The following TNPO1 variants were observed in gnomAD, a reference collection of about 807,000 sequenced individuals.
The protein encoded by TNPO1 is transportin 1.
In TNPO1, 8 loss-of-function variants were observed where a neutral mutation model predicts 119.5. The ratio of observed to expected loss-of-function variants is 0.07; its 90% CI spans 0.04 to 0.12. The LOEUF is 0.12. Ranked by LOEUF, TNPO1 falls within the 10% of genes least tolerant of loss-of-function variation. The pLI is 1.00. For synonymous variants in TNPO1, 362 were observed against 363.0 expected, an observed-to-expected ratio of 1.00 and a Z score of 0.03; for missense variants, 576 against 1,089.8, an observed-to-expected ratio of 0.53 and a Z score of 6.64.
chr5:72,877,337 A>G lies in TNPO1; in HGVS notation c.911A>G (p.His304Arg). 6.3e-7 allele frequency: 1 copy of G among 1,588,150 alleles called. No homozygotes were observed. The highest frequency in any genetic ancestry group is 8.6e-7 in the Non-Finnish European group (1 of 1,159,006). ...ATATGCAAAGATGTACTCGTAAGGC[A>G]TCTTCCTAAGTAAGTGTTCCCTCTT... ...QPICKDVLVRHLPKLIPVLVN... is the reference protein window; with the variant it reads ...QPICKDVLVRRLPKLIPVLVN... Residue 304 changes from histidine (H) to arginine (R), a missense_variant, in exon 9 of 25, where the codon CAT becomes CGT. By Grantham distance (29) the His-to-Arg change is conservative. Coordinates refer to ENST00000337273, the MANE Select transcript of TNPO1 (RefSeq NM_002270.4).
Position 72,897,068 on chromosome 5 carries a change from A to G in TNPO1, c.2255A>G (p.Gln752Arg), listed in dbSNP as rs199950184. The change falls in exon 20 of 25, where the codon CAG (glutamine) becomes CGG (arginine). Residue 752 changes from glutamine (Q) to arginine (R), a missense_variant. By Grantham distance (43) the Gln-to-Arg change is conservative. Coordinates refer to ENST00000337273, the MANE Select transcript of TNPO1 (RefSeq NM_002270.4). ...EISIQMGIEMQPYIPMVLHQL... is the reference protein window; with the variant it reads ...EISIQMGIEMRPYIPMVLHQL... ...GGATGATCTCTAGGTATAGAGATGC[A>G]GCCTTATATTCCTATGGTGTTGCAC... 298 of 1,596,762 alleles carry G rather than the reference A, an allele frequency of 1.9e-4. 1 individual carries two copies. Among genetic ancestry groups the G allele is most frequent in the Non-Finnish European group, 3.4e-5 (40 of 1,174,752 alleles).
chr5:72,880,927 G>C (rs1223576138), intron 9 of TNPO1, among the ~76,000 whole-genome samples: 2 of 151,688 alleles, frequency 1.3e-5, no homozygotes, highest in Non-Finnish European at 2.9e-5. Flanking sequence ...GATTAGACTT[G>C]GGCAGGCACA....
At chr5:72,905,675 A>G (rs1750091319) in intron 24 of TNPO1, 1 of 226,432 alleles carries the variant, frequency 4.4e-6, no homozygotes, top group Admixed American at 5.6e-5. Flanking sequence ...TGGGCAGGTC[A>G]TTTGAGGTCA....
In TNPO1 at chr5:72,912,978, A is replaced by G. The variant is rs1467794936; in HGVS notation, c.*4305A>G. 6.6e-6 allele frequency: 1 copy of G among 152,498 alleles called. No homozygotes were observed. Among genetic ancestry groups the G allele is most frequent in the African/African-American group, 2.4e-5 (1 of 41,430 alleles). The allele number at this position is 152,498 out of a possible 1,614,324, so 9.4% of individuals were successfully genotyped here. ...GCTTTGCTTACTGAATTATTTTTGC[A>G]AATAATACAAGGAGGGGAAACTAAC... is the stretch of plus-strand genomic sequence containing the variant. On this transcript the variant is annotated 3_prime_UTR_variant, in exon 25 of 25. Transcript: ENST00000337273.
At chr5:72,906,295 TTTTTTTTTTTTTTTTTTTG>T in intron 24 of TNPO1, among the ~76,000 whole-genome samples, 1 of 121,614 alleles carries the variant, frequency 8.2e-6, no homozygotes, top group African/African-American at 3.2e-5. Flanking sequence ...TTTTTTTTTT[TTTTTTTTTTTTTTTTTTTG>T]AGACAGAGAC....
chr5:72,901,409 T>C (rs577189511), intron 22 of TNPO1, among the ~76,000 whole-genome samples: 1 of 152,312 alleles, frequency 6.6e-6, no homozygotes, highest in Admixed American at 6.5e-5. Flanking sequence ...TTTGTGGATA[T>C]CTACAGTTAA....
Position 72,898,167 on chromosome 5 carries a change from C to T in TNPO1, c.2338+1016C>T, listed in dbSNP as rs191937189. Among the ~76,000 whole-genome samples, 148 of 152,094 alleles carry T rather than the reference C, an allele frequency of 9.7e-4. 1 individual carries two copies. Among genetic ancestry groups the T allele is most frequent in the Non-Finnish European group, 1.4e-3 (96 of 67,906 alleles). On this transcript the variant is annotated intron_variant, in intron 20 of 24. Coordinates refer to ENST00000337273, the MANE Select transcript of TNPO1 (RefSeq NM_002270.4). ...AAATCTTGTTAGGATTTTATCTTTT[C>T]AGAATGCAGTACCTATACATGACAT...
At chr5:72,891,757 T>A (rs1749077142) in intron 14 of TNPO1, 53 bp from the exon 15 acceptor site, 1 of 1,281,182 alleles carries the variant, frequency 7.8e-7, no homozygotes, top group Non-Finnish European at 1.1e-6. Context: ...CTCAAAATGG[T>A]CTTGTTGACA....
At chr5:72,901,474 A>T (rs552707306) in intron 22 of TNPO1, among the ~76,000 whole-genome samples, 6 of 152,246 alleles carry the variant, frequency 3.9e-5, no homozygotes, top group Admixed American at 3.9e-4. Context: ...AAATACTTTG[A>T]ATCAGATTTA....
intron 1 of TNPO1, among the ~76,000 whole-genome samples, chr5:72,841,054 A>G (rs183887901): frequency 1.3e-5 from 2 of 151,692 alleles, no homozygotes; most frequent in Non-Finnish European, 2.9e-5. Context: ...TATGAGCTCA[A>G]CAGTTAGTTT....
At chr5:72,869,550 AAAAT>A (rs1306432746) in intron 6 of TNPO1, among the ~76,000 whole-genome samples, 3 of 152,216 alleles carry the variant, frequency 2.0e-5, no homozygotes, top group South Asian at 2.1e-4. Context: ...CCATCTCAAA[AAAAT>A]AAATAAAGAC....
intron 1 of TNPO1, among the ~76,000 whole-genome samples, chr5:72,831,757 G>T (rs1744483529): frequency 1.3e-5 from 2 of 151,856 alleles, no homozygotes; most frequent in South Asian, 4.1e-4. Context: ...TAACTATGAA[G>T]ATTTTTTGTT....
chr5:72,837,665 G>T (rs1007314202), intron 1 of TNPO1, among the ~76,000 whole-genome samples: 2 of 152,078 alleles, frequency 1.3e-5, no homozygotes, highest in Admixed American at 1.3e-4. Context: ...GTTATCTGAT[G>T]GTACGAACTG....
chr5:72,868,455 A>AC (rs1344664354), intron 6 of TNPO1, among the ~76,000 whole-genome samples: 4 of 148,370 alleles, frequency 2.7e-5, no homozygotes, highest in Non-Finnish European at 6.0e-5. Context: ...AAAAAAAAAA[A>AC]AAAACACAAA....
chr5:72,857,299 C>T (rs1746075133), intron 4 of TNPO1, among the ~76,000 whole-genome samples: 3 of 149,040 alleles, frequency 2.0e-5, no homozygotes, highest in Non-Finnish European at 3.0e-5. Context: ...GCCTGGGTGA[C>T]GAGCGAAAAT....
chr5:72,850,053 A>G (rs1326810473), intron 2 of TNPO1, among the ~76,000 whole-genome samples: 1 of 152,202 alleles, frequency 6.6e-6, no homozygotes, highest in Non-Finnish European at 1.5e-5. Context: ...TCTGAGAAAG[A>G]ACAACTTTCT....
intron 1 of TNPO1, among the ~76,000 whole-genome samples, chr5:72,820,696 T>C (rs1743920077): frequency 6.6e-6 from 1 of 152,208 alleles, no homozygotes; most frequent in Non-Finnish European, 1.5e-5. Flanking sequence ...CATGCTGTTT[T>C]ATTTGTATAC....
At chr5:72,881,649 C>T (rs1398842582) in intron 9 of TNPO1, among the ~76,000 whole-genome samples, 2 of 152,116 alleles carry the variant, frequency 1.3e-5, no homozygotes, top group Non-Finnish European at 2.9e-5. Flanking sequence ...TGTTTGAAAC[C>T]TTTATTACTC....
chr5:72,818,041 T>C (rs900042869), intron 1 of TNPO1, among the ~76,000 whole-genome samples: 2 of 152,246 alleles, frequency 1.3e-5, no homozygotes, highest in African/African-American at 4.8e-5. Flanking sequence ...GGTGCAGATA[T>C]CTTTTTTAGT....
Sources: gnomAD v4.1 joint callset for allele counts (sites outside exome capture counted in the v4.1 genomes callset) on GRCh38, gnomAD v4.1.1 for gene constraint, MANE v1.5 for transcripts, NCBI Gene and HGNC (gene_info 2026-07-23, HGNC 2026-07-21) for gene names.